SVOPL: variants seen among roughly 807,000 people sequenced by gnomAD.
The protein encoded by SVOPL is SVOP like.
A neutral mutation model predicts 61.0 loss-of-function variants in SVOPL; 60 were observed. The observed-to-expected ratio is 0.98, with a 90% CI of 0.80 to 1.22. SVOPL has a LOEUF of 1.22. Ranked by LOEUF, SVOPL falls within the 50% of genes most tolerant of loss-of-function variation. The probability of loss-of-function intolerance (pLI) is 0.00; values close to 1 mark genes in which losing one functional copy is unlikely to be tolerated. For synonymous variants in SVOPL, 279 were observed against 250.0 expected (o/e 1.12, Z -1.09); for missense variants, 662 against 643.9 (o/e 1.03, Z -0.30).
chr7:138,681,299 TAGA>T (rs1205361821), intron 1 of SVOPL, among the ~76,000 whole-genome samples: 1 of 147,806 alleles, frequency 6.8e-6, no homozygotes, highest in Non-Finnish European at 1.5e-5. Context: ...GAACTGGAAA[TAGA>T]AATACGAGAT....
chr7:138,650,251 CTA>C (rs1347261775), intron 7 of SVOPL, among the ~76,000 whole-genome samples: 1 of 152,030 alleles, frequency 6.6e-6, no homozygotes, highest in African/African-American at 2.4e-5. Flanking sequence ...GACTGAAGGT[CTA>C]ATAATAGAGG....
At chr7:138,663,251 G>T in intron 4 of SVOPL, 106 bp from the exon 5 acceptor site, 1 of 1,533,004 alleles carries the variant, frequency 6.5e-7, no homozygotes, top group African/African-American at 1.4e-5. Flanking sequence ...GGGAGGGATG[G>T]AAGTTAATTT....
At chr7:138,602,327 T>C (rs1477292303) in intron 14 of SVOPL, among the ~76,000 whole-genome samples, 2 of 152,072 alleles carry the variant, frequency 1.3e-5, no homozygotes, top group Non-Finnish European at 1.5e-5. Context: ...ATTGACAAGG[T>C]GATGGCTATC....
intron 14 of SVOPL, chr7:138,596,977 G>A (rs938781715): frequency 1.5e-5 from 17 of 1,128,178 alleles, no homozygotes; most frequent in Non-Finnish European, 1.6e-5. Flanking sequence ...TGGAAGAGGT[G>A]TTATCTCAGA....
intron 14 of SVOPL, among the ~76,000 whole-genome samples, chr7:138,605,410 CT>C (rs1293238850): frequency 6.6e-6 from 1 of 151,866 alleles, no homozygotes; most frequent in African/African-American, 2.4e-5. Context: ...GCCTGTAATC[CT>C]AGCACTTTGG....
intron 14 of SVOPL, among the ~76,000 whole-genome samples, chr7:138,616,422 C>T (rs138444463): frequency 0.012 from 1,884 of 151,960 alleles, 21 homozygotes; most frequent in Middle Eastern, 0.041. Context: ...CCACAAACTC[C>T]GCCTCCCAGG....
intron 8 of SVOPL, chr7:138,646,179 G>T: frequency 5.1e-6 from 1 of 195,780 alleles, no homozygotes; most frequent in Non-Finnish European, 1.0e-5. Flanking sequence ...AGAGTGCTTA[G>T]TGTACTCAAT....
In SVOPL at chr7:138,649,038, C is replaced by G; in HGVS notation, c.634G>C (p.Gly212Arg). 1.9e-6 allele frequency: 3 copies of G among 1,613,684 alleles called. No homozygotes were observed. The highest frequency in any genetic ancestry group is 2.5e-6 in the Non-Finnish European group (3 of 1,179,888). The change falls in exon 8 of 16, where the codon GGC becomes CGC. Residue 212 changes from glycine (G) to arginine (R), a missense_variant. By Grantham distance (125) the Gly-to-Arg change is moderately radical. Coordinates refer to ENST00000674285, the MANE Select transcript of SVOPL (RefSeq NM_001139456.2). The stretch of plus-strand genomic sequence containing the variant: ...TTGAAGGCCACGATGAGGATGATGC[C>G]CGGGATGGAGGCGACGCGAATGAGC... ...RWLIRVASIP[G>R]IILIVAFKFI...
intron 12 of SVOPL, 46 bp from the exon 13 acceptor site, chr7:138,626,096 GACCA>G: frequency 1.9e-6 from 3 of 1,592,974 alleles, no homozygotes; most frequent in South Asian, 1.1e-5. Flanking sequence ...CAGCATGGAG[GACCA>G]CCTCCAGTGG....
At chr7:138,663,184 GT>G (rs1484199635) in intron 4 of SVOPL, 39 bp from the exon 5 acceptor site, 8 of 1,598,598 alleles carry the variant, frequency 5.0e-6, no homozygotes, top group Non-Finnish European at 6.0e-6. Context: ...CTCTAAGCAG[GT>G]TTTACATGTT....
chr7:138,597,237 A>C, intron 14 of SVOPL: 2 of 1,288,452 alleles, frequency 1.6e-6, no homozygotes, highest in Non-Finnish European at 2.0e-6. Flanking sequence ...TGGTTAACCA[A>C]CAGCAAAGCT....
Position 138,641,275 on chromosome 7 carries a change from A to C in SVOPL, c.789+3442T>G, listed in dbSNP as rs143404741. On this transcript the variant is annotated intron_variant, in intron 9 of 15. Coordinates refer to ENST00000674285, the MANE Select transcript of SVOPL (RefSeq NM_001139456.2). ...AATTCAGTTTAGACAACTACAACAA[A>C]AAAAAAAATGTAAGGTCCAAAGCCA... 9.0e-4 allele frequency among the ~76,000 whole-genome samples: 135 copies of C among 150,112 alleles called. No individual in the cohort carries two copies. In the East Asian group the frequency reaches 9.1e-3, roughly 10 times the overall value.
intron 14 of SVOPL, among the ~76,000 whole-genome samples, chr7:138,606,288 T>G (rs563280309): frequency 1.3e-5 from 2 of 151,818 alleles, no homozygotes; most frequent in South Asian, 4.2e-4. Context: ...ACACCAGGGG[T>G]GAGGTTGGAG....
intron 4 of SVOPL, 126 bp from the exon 5 acceptor site, chr7:138,663,271 G>T (rs963405122): frequency 1.3e-6 from 2 of 1,503,312 alleles, no homozygotes; most frequent in African/African-American, 1.4e-5. Flanking sequence ...TAAAGAACAG[G>T]GTTTCACGTT....
intron 5 of SVOPL, chr7:138,660,644 A>G (rs1416326581): frequency 1.0e-6 from 1 of 985,354 alleles, no homozygotes; most frequent in East Asian, 1.1e-4. Flanking sequence ...CTGCGATGAT[A>G]TCTGTACATA....
chr7:138,635,283 A>G (rs1749335602), intron 9 of SVOPL, among the ~76,000 whole-genome samples: 2 of 152,112 alleles, frequency 1.3e-5, no homozygotes, highest in Admixed American at 1.3e-4. Context: ...AAAAAAAAAA[A>G]AAGTTAATAT....
chr7:138,613,233 T>C (rs1799132869), intron 14 of SVOPL, among the ~76,000 whole-genome samples: 1 of 152,060 alleles, frequency 6.6e-6, no homozygotes, highest in African/African-American at 2.4e-5. Flanking sequence ...TTGGCCAGGC[T>C]GGTCTCGAAC....
chr7:138,698,775 T>C (rs1054467791), intron 1 of SVOPL, among the ~76,000 whole-genome samples: 2 of 152,202 alleles, frequency 1.3e-5, no homozygotes, highest in Non-Finnish European at 2.9e-5. Flanking sequence ...ATGGTAGTAC[T>C]GTCTCTCACC....
Position 138,656,473 on chromosome 7 carries a change from C to T in SVOPL, c.509G>A (p.Arg170Gln), listed in dbSNP as rs768285123. 2.2e-5 allele frequency: 36 copies of T among 1,613,794 alleles called. No individual in the cohort carries two copies. The highest frequency in any genetic ancestry group is 1.6e-4 in the South Asian group (15 of 91,064). ...CTGAGACAAGGGTAACATATAGCCTCGGTATTTCGTGGGCAAAAATTCAGT... is the reference window on the plus strand; with the variant it reads ...CTGAGACAAGGGTAACATATAGCCTTGGTATTTCGTGGGCAAAAATTCAGT... ...IKTEFLPTKY[R>Q]GYMLPLSQVF... Residue 170 changes from arginine (R) to glutamine (Q), a missense_variant, in exon 7 of 16, where the codon CGA becomes CAA. Coordinates refer to ENST00000674285, the MANE Select transcript of SVOPL (RefSeq NM_001139456.2).
Sources: gnomAD v4.1 joint callset for allele counts (sites outside exome capture counted in the v4.1 genomes callset) on GRCh38, gnomAD v4.1.1 for gene constraint, MANE v1.5 for transcripts, NCBI Gene and HGNC (gene_info 2026-07-23, HGNC 2026-07-21) for gene names.